Variants in ZNF469 observed in about 807,000 individuals in gnomAD.
The protein encoded by ZNF469 is zinc finger protein 469.
Under a neutral mutation model 1.0 loss-of-function variants are expected in ZNF469, and 1 was observed. The ratio of observed to expected loss-of-function variants is 1.00; its 90% CI spans 0.35 to 4.73. The LOEUF (loss-of-function observed/expected upper bound fraction) is 4.73. Ranked by LOEUF, ZNF469 falls within the 30% of genes most tolerant of loss-of-function variation. The pLI is 0.16. For synonymous variants in ZNF469, 2,703 were observed against 2,363.4 expected, an observed-to-expected ratio of 1.14 and a Z score of -4.17; for missense variants, 6,100 against 5,356.3, an observed-to-expected ratio of 1.14 and a Z score of -4.33.
chr16:88,264,976 C>T, the ZNF469 span, among the ~76,000 whole-genome samples: 1 of 152,122 alleles, frequency 6.6e-6, no homozygotes, highest in Non-Finnish European at 1.5e-5. Context: ...GTTCTGTGCT[C>T]AGCAAGGGAG....
At position 88,429,251 on chromosome 16, in the gene ZNF469, C is replaced by T. The variant is rs757534069; in HGVS notation, c.1781C>T (p.Pro594Leu). 5.0e-5 allele frequency: 78 copies of T among 1,549,830 alleles called. No individual in the cohort carries two copies. The highest frequency in any genetic ancestry group is 5.0e-4 in the Middle Eastern group (3 of 5,992). Residue 594 changes from proline to leucine, a missense_variant, in exon 3 of 3, where the codon CCG (proline) becomes CTG (leucine). Physicochemically the swap from Pro to Leu is moderately conservative, Grantham distance 98 (BLOSUM62 -3). Transcript: ENST00000565624. ...GCCTCCCCCAGCGAGTCCCCACTGC[C>T]GTCACCGGCCACCAACACGGCCGGC... Reference protein sequence around the residue: ...VGASPSESPLPSPATNTAGST... With the variant: ...VGASPSESPLLSPATNTAGST...
chr16:88,204,095 C>T, the ZNF469 span, among the ~76,000 whole-genome samples: 30 of 145,104 alleles, frequency 2.1e-4, no homozygotes, highest in African/African-American at 7.9e-4. Flanking sequence ...ATAGAGCAGC[C>T]GGAGGTGCCC....
At chr16:88,192,262 G>A in the ZNF469 span, 1 of 152,216 alleles carries the variant, frequency 6.6e-6, no homozygotes, top group Admixed American at 6.5e-5. Flanking sequence ...GATGGAGCAG[G>A]GACATTGTGT....
At chr16:88,363,094 C>T in the ZNF469 span, among the ~76,000 whole-genome samples, 2 of 152,046 alleles carry the variant, frequency 1.3e-5, no homozygotes, top group Non-Finnish European at 2.9e-5. Flanking sequence ...GGCTTTCTGT[C>T]TTTTTTATTT....
the ZNF469 span, among the ~76,000 whole-genome samples, chr16:88,234,159 G>T: frequency 1.3e-5 from 2 of 152,226 alleles, no homozygotes; most frequent in Non-Finnish European, 2.9e-5. Context: ...CCCCGAGGAG[G>T]TGGTTGTGAA....
chr16:88,165,614 T>C, the ZNF469 span, among the ~76,000 whole-genome samples: 1 of 152,228 alleles, frequency 6.6e-6, no homozygotes, highest in African/African-American at 2.4e-5. Context: ...TTCCAATTTT[T>C]AAATCGTGGT....
chr16:88,254,715 A>G, the ZNF469 span, among the ~76,000 whole-genome samples: 1 of 152,174 alleles, frequency 6.6e-6, no homozygotes, highest in Admixed American at 6.5e-5. Context: ...CCAAGATTGC[A>G]TCATTGCACT....
the ZNF469 span, among the ~76,000 whole-genome samples, chr16:88,238,769 C>T: frequency 1.3e-5 from 2 of 152,260 alleles, no homozygotes; most frequent in Non-Finnish European, 2.9e-5. Context: ...CCTGGGGCAG[C>T]CATGCCCTGT....
chr16:88,150,320 CA>C, the ZNF469 span, among the ~76,000 whole-genome samples: 1 of 152,108 alleles, frequency 6.6e-6, no homozygotes, highest in African/African-American at 2.4e-5. Flanking sequence ...AAAACACAAA[CA>C]AAAAAACCAA....
At chr16:88,116,644 G>A in the ZNF469 span, among the ~76,000 whole-genome samples, 8 of 152,338 alleles carry the variant, frequency 5.3e-5, no homozygotes, top group Admixed American at 2.6e-4. Flanking sequence ...CTACTCAGCC[G>A]TGAAAACAAA....
chr16:88,280,105 A>G, the ZNF469 span, among the ~76,000 whole-genome samples: 3 of 151,524 alleles, frequency 2.0e-5, no homozygotes, highest in African/African-American at 4.9e-5. Context: ...ATATCAGTGC[A>G]TGGTTAGTGC....
the ZNF469 span, among the ~76,000 whole-genome samples, chr16:88,310,920 C>T: frequency 6.6e-6 from 1 of 152,164 alleles, no homozygotes; most frequent in Non-Finnish European, 1.5e-5. Context: ...CTCACGGTGC[C>T]TTTGTTGTCA....
the ZNF469 span, among the ~76,000 whole-genome samples, chr16:88,220,744 C>T: frequency 2.0e-5 from 3 of 152,138 alleles, no homozygotes; most frequent in African/African-American, 7.2e-5. Context: ...GGCCTGAGCT[C>T]TGAGCCACCG....
chr16:88,439,254 G>C lies in ZNF469; in HGVS notation c.11784G>C (p.Gln3928His). ...ACACCCACCGGACGGCCGAGGCCCA[G>C]AGTGACCTCCTCAGCCAGCTCTTCG... is the stretch of plus-strand genomic sequence containing the variant. ...EPHTHRTAEA[Q>H]SDLLSQLFGQ... The change falls in exon 3 of 3, where the codon CAG becomes CAC. Residue 3928 changes from glutamine (Q) to histidine (H), a missense_variant. Gln to His is a conservative substitution (Grantham distance 24, BLOSUM62 0). Coordinates refer to ENST00000565624, the MANE Select transcript of ZNF469 (RefSeq NM_001367624.2). The C allele has an allele frequency of 6.4e-7, 1 of 1,550,526 alleles. No individual in the cohort carries two copies. Among genetic ancestry groups the C allele is most frequent in the Non-Finnish European group, 8.7e-7 (1 of 1,147,004 alleles).
the ZNF469 span, among the ~76,000 whole-genome samples, chr16:88,273,685 A>T: frequency 6.6e-6 from 1 of 152,230 alleles, no homozygotes; most frequent in Non-Finnish European, 1.5e-5. Context: ...GTCCAAAGAA[A>T]CATCCGCACA....
rs1426809592 is a variant in ZNF469, at chr16:88,436,378, G to T, written c.8908G>T (p.Gly2970Cys). The T allele has an allele frequency of 2.8e-5, 43 of 1,550,104 alleles. No individual in the cohort carries two copies. The Middle Eastern group carries it at 1.2e-3, about 42-fold the overall frequency. ...GGCCCTGGAGCCCAGCAGGGAAGCT[G>T]GTGCAGAGAAGCTGCCCTCCCACTG... ...LWALEPSREA[G>C]AEKLPSHCPE... The change falls in exon 3 of 3, where the codon GGT becomes TGT. Residue 2970 changes from glycine (G) to cysteine (C), a missense_variant. By Grantham distance (159) the Gly-to-Cys change is radical. Transcript: ENST00000565624.
chr16:88,231,328 G>A, the ZNF469 span, among the ~76,000 whole-genome samples: 61 of 152,320 alleles, frequency 4.0e-4, no homozygotes, highest in African/African-American at 1.3e-3. This position sits in a 1 kb window ranked among gnomAD's most constrained non-coding sequence, Gnocchi z 4.5. Flanking sequence ...TGAAGGGACC[G>A]AGGACCCTGT....
the ZNF469 span, among the ~76,000 whole-genome samples, chr16:88,323,144 C>T: frequency 6.6e-6 from 1 of 152,164 alleles, no homozygotes; most frequent in Admixed American, 6.5e-5. Context: ...CCCTGGGTGC[C>T]CATGTTGTGC....
the ZNF469 span, among the ~76,000 whole-genome samples, chr16:88,330,457 C>T: frequency 6.6e-6 from 1 of 152,212 alleles, no homozygotes; most frequent in Non-Finnish European, 1.5e-5. Flanking sequence ...TTCTCCACAC[C>T]GTCCTTAGCA....
Sources: allele counts gnomAD v4.1 joint callset (sites outside exome capture counted in the v4.1 genomes callset), GRCh38; gene constraint gnomAD v4.1.1; non-coding constraint Gnocchi (gnomAD v3.1); transcripts MANE v1.5; gene names NCBI Gene and HGNC (gene_info 2026-07-23, HGNC 2026-07-21).